Variants in SORL1 observed in about 807,000 individuals in gnomAD.
SORL1 encodes the protein sortilin related receptor 1.
Under a neutral mutation model 273.7 loss-of-function variants are expected in SORL1, and 127 were observed. That is an observed-to-expected ratio of 0.46 (90% CI 0.40 to 0.54). SORL1 has a LOEUF of 0.54. Among genes scored for constraint, SORL1 ranks in the 20% least tolerant of loss-of-function variants. The probability of loss-of-function intolerance (pLI) is 0.00; values close to 1 mark genes in which losing one functional copy is unlikely to be tolerated. For synonymous variants in SORL1, 1,031 were observed against 1,067.4 expected, an observed-to-expected ratio of 0.97 and a Z score of 0.66; for missense variants, 2,494 against 2,846.1, an observed-to-expected ratio of 0.88 and a Z score of 2.81.
rs1173526960 is a variant in SORL1, at chr11:121,480,669, C to T, written c.528+2426C>T. Among the ~76,000 whole-genome samples the T allele has an allele frequency of 5.0e-4, 72 of 144,478 alleles. 2 individuals are homozygous for T. Among genetic ancestry groups the T allele is most frequent in the African/African-American group, 1.8e-3 (70 of 38,430 alleles). The allele number at this position is 144,478 out of a possible 152,430, so 94.8% of individuals were successfully genotyped here. On this transcript the variant is annotated intron_variant, in intron 3 of 47. Transcript: ENST00000260197. Reference sequence around the variant, plus strand: ...CTTCATCTCCTCCTCCCCAGCTTCTCCCCTAGTGCACAGATACCTATAGGC... The same window carrying T: ...CTTCATCTCCTCCTCCCCAGCTTCTTCCCTAGTGCACAGATACCTATAGGC...
At chr11:121,478,580 C>A (rs559588986) in intron 3 of SORL1, among the ~76,000 whole-genome samples, 1 of 152,190 alleles carries the variant, frequency 6.6e-6, no homozygotes, top group African/African-American at 2.4e-5. Flanking sequence ...ACCTTGCAAT[C>A]AAATTCATGT....
chr11:121,566,743 A>G, intron 21 of SORL1, 197 bp from the exon 22 acceptor site: 1 of 529,100 alleles, frequency 1.9e-6, no homozygotes. Flanking sequence ...CTGGCTGAAG[A>G]CAGGATGCAA....
At chr11:121,503,865 G>C (rs554844493) in intron 6 of SORL1, among the ~76,000 whole-genome samples, 1 of 152,178 alleles carries the variant, frequency 6.6e-6, no homozygotes, top group South Asian at 2.1e-4. Flanking sequence ...GCTATTCTGG[G>C]TTCCTTGCAT....
intron 1 of SORL1, among the ~76,000 whole-genome samples, chr11:121,465,835 CTT>C (rs1330640531): frequency 3.3e-5 from 5 of 152,120 alleles, no homozygotes; most frequent in African/African-American, 7.2e-5. Flanking sequence ...CTGGGTGTGT[CTT>C]TTAAAAAAGA....
At chr11:121,533,168 A>G (rs1464092513) in intron 12 of SORL1, among the ~76,000 whole-genome samples, 1 of 152,154 alleles carries the variant, frequency 6.6e-6, no homozygotes, top group African/African-American at 2.4e-5. Flanking sequence ...TAGCAATAAT[A>G]ATAATAATAA....
rs1471048191 is a variant in SORL1, at chr11:121,632,713, CCTT to C, written c.*3154_*3156del. 2.6e-5 allele frequency: 4 copies of C among 152,088 alleles called. No homozygotes were observed. The highest frequency in any genetic ancestry group is 4.8e-5 in the African/African-American group (2 of 41,484). 9.4% of individuals were successfully genotyped at this position (152,088 alleles called of 1,614,324 possible). A position where few individuals can be genotyped will look rare whatever the true frequency, so the allele number is the denominator to read the frequency against. On this transcript the variant is annotated 3_prime_UTR_variant, in exon 48 of 48. Transcript: ENST00000260197. ...AGCCCCTTAGAGATGAGCGCCTACT[CCTT>C]CTTGGCGAATGCTGCCTTCAGATGC...
intron 38 of SORL1, 57 bp downstream of exon 38, chr11:121,608,233 T>A (rs1863508025): frequency 3.6e-6 from 5 of 1,394,304 alleles, no homozygotes; most frequent in Non-Finnish European, 4.0e-6. Context: ...CCCTTTCAAA[T>A]GACTTTCAGT....
At chr11:121,558,896 C>G (rs1862632979) in intron 20 of SORL1, 59 bp downstream of exon 20, 6 of 1,593,526 alleles carry the variant, frequency 3.8e-6, no homozygotes, top group Non-Finnish European at 5.2e-6. Context: ...CATATGAGAT[C>G]AGGAGCCTGC....
At chr11:121,580,050 G>T (rs189493729) in intron 25 of SORL1, among the ~76,000 whole-genome samples, 1 of 152,092 alleles carries the variant, frequency 6.6e-6, no homozygotes, top group Non-Finnish European at 1.5e-5. Flanking sequence ...AATAATAACA[G>T]ACACTCTTTT....
chr11:121,622,853 G>A (rs1863742752), intron 45 of SORL1, among the ~76,000 whole-genome samples: 1 of 152,244 alleles, frequency 6.6e-6, no homozygotes, highest in Non-Finnish European at 1.5e-5. Context: ...TACCACCCAA[G>A]GGTGGACAGA....
chr11:121,514,358 G>A, intron 8 of SORL1, 37 bp downstream of exon 8: 4 of 1,579,082 alleles, frequency 2.5e-6, no homozygotes, highest in Non-Finnish European at 3.5e-6. Context: ...GCCTTCTTAG[G>A]CCAACACAAC....
At chr11:121,463,086 G>C (rs1455707151) in intron 1 of SORL1, among the ~76,000 whole-genome samples, 2 of 152,082 alleles carry the variant, frequency 1.3e-5, no homozygotes, top group South Asian at 2.1e-4. Context: ...CTCTCTTGAG[G>C]GGGTATTTGC....
intron 21 of SORL1, among the ~76,000 whole-genome samples, chr11:121,564,481 C>T (rs1279834115): frequency 6.6e-6 from 1 of 152,114 alleles, no homozygotes; most frequent in Non-Finnish European, 1.5e-5. Context: ...AATATTTGCT[C>T]TGCATATGAA....
rs145769061 is a variant in SORL1 at position 121,607,284 on chromosome 11, C to T, written c.5160C>T (p.Thr1720=). Residue 1720 remains threonine (T), a synonymous_variant, in exon 37 of 48, where the codon ACC becomes ACT. Transcript: ENST00000260197. ...IKNLLVNTLY[T]VRVAAVTSRG... ...ACTTATTGGTCAACACTCTATACAC[C>T]GTCAGAGTGAGTGTCGTCATCCATT... is the stretch of plus-strand genomic sequence containing the variant. 40 of 1,552,782 alleles carry T rather than the reference C, an allele frequency of 2.6e-5. No individual in the cohort carries two copies. The African/African-American group carries it at 2.7e-4, about 11-fold the overall frequency.
rs578506 is a variant in SORL1, at chr11:121,452,768, G to C, written c.285+152G>C. ...GTTTTTTTCCTTCACGAGTACAACC[G>C]TCAGCACTTGAATCGCATTGATCTT... On this transcript the variant is annotated intron_variant, in intron 1 of 47. Transcript: ENST00000260197. This position sits in a 1 kb window ranked among gnomAD's most constrained non-coding sequence, Gnocchi z 5.3. 0.47 allele frequency: 279,157 copies of C among 596,972 alleles called. 70,991 individuals carry two copies. Among genetic ancestry groups the C allele is most frequent in the East Asian group, 0.73 (21,093 of 28,704 alleles). The allele number at this position is 596,972 out of a possible 1,614,324, so 37.0% of individuals were successfully genotyped here.
intron 8 of SORL1, among the ~76,000 whole-genome samples, chr11:121,515,170 G>A (rs1861933338): frequency 6.6e-6 from 1 of 152,224 alleles, no homozygotes; most frequent in South Asian, 2.1e-4. Context: ...GCCAGACAGT[G>A]TTCTAGGTAT....
At chr11:121,459,202 T>C (rs1303040597) in intron 1 of SORL1, among the ~76,000 whole-genome samples, 1 of 152,246 alleles carries the variant, frequency 6.6e-6, no homozygotes, top group East Asian at 1.9e-4. Flanking sequence ...TGAAGTGTCT[T>C]TCATTTAATT....
chr11:121,514,084 G>A, intron 7 of SORL1, 68 bp from the exon 8 acceptor site: 1 of 1,503,610 alleles, frequency 6.7e-7, no homozygotes, highest in Non-Finnish European at 9.1e-7. Flanking sequence ...TTGCTTCCGT[G>A]TGTATAGTAA....
rs146783153 is a variant in SORL1 at position 121,605,732 on chromosome 11, C to T, written c.4948+161C>T. On this transcript the variant is annotated intron_variant, in intron 35 of 47. Transcript: ENST00000260197. ...TAGTCTTGCCAGAGTTGTCAAACAT[C>T]TGTTCTTCTTACTGCATCAGAGACT... Among the ~76,000 whole-genome samples the T allele has an allele frequency of 1.9e-4, 29 of 152,318 alleles. No individual in the cohort carries two copies. The East Asian group carries it at 4.2e-3, about 22-fold the overall frequency.
Sources: allele counts gnomAD v4.1 joint callset (sites outside exome capture counted in the v4.1 genomes callset), GRCh38; gene constraint gnomAD v4.1.1; non-coding constraint Gnocchi (gnomAD v3.1); transcripts MANE v1.5; gene names NCBI Gene and HGNC (gene_info 2026-07-23, HGNC 2026-07-21).